MTOR: variants seen among roughly 807,000 people sequenced by gnomAD.
MTOR encodes serine/threonine-protein kinase mTOR.
A neutral mutation model predicts 319.8 loss-of-function variants in MTOR; 70 were observed. That is an observed-to-expected ratio of 0.22 (90% CI 0.18 to 0.27). MTOR has a LOEUF of 0.27. MTOR is among the 10% of genes least tolerant of loss of function. MTOR has a pLI of 1.00. For synonymous variants in MTOR, 1,183 were observed against 1,211.4 expected (o/e 0.98, Z 0.49); for missense variants, 1,890 against 3,274.4 (o/e 0.58, Z 10.32).
rs1643250865 is a variant in MTOR, at chr1:11,133,312, A to G, written c.5247-115T>C. The G allele has an allele frequency of 2.1e-6, 2 of 942,290 alleles. No individual in the cohort carries two copies. The highest frequency in any genetic ancestry group is 3.3e-5 in the African/African-American group (2 of 61,384). 58.4% of individuals were successfully genotyped at this position (942,290 alleles called of 1,614,324 possible). ...CTTCTGGTATTTCCTCTTATTCTCA[A>G]GAGGCAATGTGAAGGAGCTAGCAAA... On this transcript the variant is annotated intron_variant, in intron 37 of 57. Coordinates refer to ENST00000361445, the MANE Select transcript of MTOR (RefSeq NM_004958.4). The surrounding 1 kb of genome is among the most constrained non-coding windows in gnomAD (Gnocchi z 4.0).
At chr1:11,248,124 T>A in intron 6 of MTOR, 30 bp from the exon 7 acceptor site, 1 of 1,548,744 alleles carries the variant, frequency 6.5e-7, no homozygotes, top group East Asian at 2.3e-5. Flanking sequence ...AAAAATCATC[T>A]TTACTTATGA....
At chr1:11,168,891 G>A (rs1644727092) in intron 28 of MTOR, among the ~76,000 whole-genome samples, 1 of 152,176 alleles carries the variant, frequency 6.6e-6, no homozygotes, top group Non-Finnish European at 1.5e-5. Flanking sequence ...GGGAAAGAGG[G>A]GAGGGTGAAG....
intron 18 of MTOR, among the ~76,000 whole-genome samples, chr1:11,230,123 A>T (rs1252599210): frequency 1.7e-4 from 4 of 23,286 alleles, no homozygotes; most frequent in Non-Finnish European, 7.7e-4. Context: ...CAAACCTTTA[A>T]AAAAAAAAAA....
chr1:11,232,627 C>A (rs1647057967), intron 15 of MTOR, 99 bp from the exon 16 acceptor site: 5 of 944,910 alleles, frequency 5.3e-6, no homozygotes, highest in African/African-American at 1.6e-5. Context: ...GTAATCCCAG[C>A]ACTTTGGGAG....
chr1:11,238,256 T>G lies in MTOR; in HGVS notation c.2002+146A>C, dbSNP rs534603110. The G allele has an allele frequency of 2.4e-4, 228 of 939,642 alleles. 2 individuals carry two copies. In the East Asian group the frequency reaches 5.9e-3, roughly 24 times the overall value. 58.2% of individuals were successfully genotyped at this position (939,642 alleles called of 1,614,324 possible). ...CTTACACCAAAGGCTACAGTAGCCA[T>G]GCCTAACACGCCTTGGCAGAGAAAT... On this transcript the variant is annotated intron_variant, in intron 12 of 57. Transcript: ENST00000361445.
intron 19 of MTOR, among the ~76,000 whole-genome samples, chr1:11,217,985 C>T (rs57921230): frequency 1.3e-5 from 2 of 152,106 alleles, no homozygotes; most frequent in Non-Finnish European, 2.9e-5. Context: ...ACTTTGACTT[C>T]TAAGGTGATT....
At chr1:11,211,997 C>T (rs1198088932) in intron 23 of MTOR, among the ~76,000 whole-genome samples, 1 of 152,000 alleles carries the variant, frequency 6.6e-6, no homozygotes, top group Non-Finnish European at 1.5e-5. Flanking sequence ...TCTGTCTACC[C>T]TAAATAAAGA....
At chr1:11,203,543 A>G (rs1386769705) in intron 26 of MTOR, among the ~76,000 whole-genome samples, 1 of 151,340 alleles carries the variant, frequency 6.6e-6, no homozygotes, top group Non-Finnish European at 1.5e-5. Flanking sequence ...GTGTGGTGGT[A>G]CACACCTGTA....
chr1:11,209,310 G>A lies in MTOR; in HGVS notation c.3801+2C>T. 5.6e-6 allele frequency: 9 copies of A among 1,614,182 alleles called. No individual in the cohort carries two copies. The highest frequency in any genetic ancestry group is 7.6e-6 in the Non-Finnish European group (9 of 1,180,004). On this transcript the variant is annotated splice_donor_variant, in intron 25 of 57. Coordinates refer to ENST00000361445, the MANE Select transcript of MTOR (RefSeq NM_004958.4). LOFTEE classifies it low-confidence loss of function (GC_TO_GT_DONOR). ...CCCAGTCACCTGAAACAATGGACTT[G>A]CCTTTTGGAGGTTGATGGTGCTGAC...
Position 11,144,578 on chromosome 1 carries a change from G to A in MTOR, c.4872+70C>T, listed in dbSNP as rs1318904994. 1.9e-5 allele frequency: 25 copies of A among 1,331,236 alleles called. 1 individual carries two copies. The highest frequency in any genetic ancestry group is 2.4e-5 in the South Asian group (2 of 82,502). The allele number at this position is 1,331,236 out of a possible 1,614,324, so 82.5% of individuals were successfully genotyped here. A position where few individuals can be genotyped will look rare whatever the true frequency, so the allele number is the denominator to read the frequency against. Reference sequence around the variant, plus strand: ...AAGTTGAGTAAGAGCCAGGGTGGAGGGGGGCACTCACCCAGGTCCTGGAAG... The same window carrying A: ...AAGTTGAGTAAGAGCCAGGGTGGAGAGGGGCACTCACCCAGGTCCTGGAAG... On this transcript the variant is annotated intron_variant, in intron 34 of 57. Transcript: ENST00000361445.
At chr1:11,117,332 T>G (rs1642223604) in intron 49 of MTOR, among the ~76,000 whole-genome samples, 1 of 152,154 alleles carries the variant, frequency 6.6e-6, no homozygotes, top group African/African-American at 2.4e-5. Flanking sequence ...AGCTTATTTT[T>G]GTAGTTTTAG....
intron 32 of MTOR, among the ~76,000 whole-genome samples, chr1:11,145,712 C>A (rs188846432): frequency 6.6e-6 from 1 of 152,308 alleles, no homozygotes; most frequent in Non-Finnish European, 1.5e-5. Context: ...CCATGTTGGG[C>A]AGGCTGGTCT....
At chr1:11,215,604 G>A (rs1164979535) in intron 20 of MTOR, among the ~76,000 whole-genome samples, 4 of 152,120 alleles carry the variant, frequency 2.6e-5, no homozygotes, top group Non-Finnish European at 5.9e-5. Context: ...TATTGCCCAT[G>A]GGGTGTCTTC....
chr1:11,201,706 C>G (rs1044347317), intron 26 of MTOR, among the ~76,000 whole-genome samples: 2 of 152,172 alleles, frequency 1.3e-5, no homozygotes, highest in African/African-American at 4.8e-5. Context: ...ACTTTCTAAT[C>G]TTTATCCTAT....
intron 19 of MTOR, among the ~76,000 whole-genome samples, chr1:11,216,573 G>A (rs1646477425): frequency 6.6e-6 from 1 of 151,094 alleles, no homozygotes. Context: ...CTTGAGCCCA[G>A]AAGTTCAAGG....
intron 29 of MTOR, 68 bp from the exon 30 acceptor site, chr1:11,157,359 T>C (rs1644351015): frequency 1.3e-6 from 2 of 1,546,268 alleles, no homozygotes; most frequent in Non-Finnish European, 8.7e-7. Context: ...TTAATCCACA[T>C]ACTCTCTTTC....
In MTOR at chr1:11,213,455, G is replaced by A. The variant is rs1402799419; in HGVS notation, c.3229C>T (p.His1077Tyr). ...FKLYLPQLIP[H>Y]MLRVFMHDNS... ...TCATGCATGAAGACACGCAGCATGT[G>A]TGGGATCAGCTGGGGCAGGTAGAGC... Residue 1077 changes from histidine to tyrosine, a missense_variant, in exon 21 of 58, where the codon CAC becomes TAC. Physicochemically the swap from His to Tyr is moderately conservative, Grantham distance 83. This residue lies in a region of MTOR where 377 missense variants were observed against 653.9 expected (regional missense o/e 0.58). Transcript: ENST00000361445. The A allele has an allele frequency of 6.2e-7, 1 of 1,613,902 alleles. No individual in the cohort carries two copies. The highest frequency in any genetic ancestry group is 1.7e-5 in the Admixed American group (1 of 60,016).
chr1:11,194,191 A>G (rs961995935), intron 28 of MTOR, among the ~76,000 whole-genome samples: 8 of 152,198 alleles, frequency 5.3e-5, no homozygotes, highest in Non-Finnish European at 8.8e-5. Context: ...ATTCAGCAAA[A>G]ACATAGCTGC....
In MTOR at chr1:11,199,304, C is replaced by T; in HGVS notation, c.4207G>A (p.Glu1403Lys). Residue 1403 changes from glutamate (E) to lysine (K), a missense_variant, in exon 28 of 58, where the codon GAG becomes AAG. Glu to Lys is a moderately conservative substitution (Grantham distance 56). Around this residue, in one of 15 missense-constraint regions of MTOR, gnomAD observed 45 missense variants for 107.2 expected, o/e 0.42. Coordinates refer to ENST00000361445, the MANE Select transcript of MTOR (RefSeq NM_004958.4). The surrounding 1 kb of genome is among the most constrained non-coding windows in gnomAD (Gnocchi z 4.5). Reference protein sequence around the residue: ...YAKALHYKELEFQKGPTPAIL... With the variant: ...YAKALHYKELKFQKGPTPAIL... ...GCAGGGGTGGGGCCTTTCTGGAACT[C>T]CAGTTCTTTGTAGTGTAGTGCTTTG... is the stretch of plus-strand genomic sequence containing the variant. 6.2e-7 allele frequency: 1 copy of T among 1,614,088 alleles called. No individual in the cohort carries two copies.
Sources: allele counts gnomAD v4.1 joint callset (sites outside exome capture counted in the v4.1 genomes callset), GRCh38; gene constraint gnomAD v4.1.1; regional missense constraint gnomAD v4.1.1; non-coding constraint Gnocchi (gnomAD v3.1); transcripts MANE v1.5; gene names NCBI Gene and HGNC (gene_info 2026-07-23, HGNC 2026-07-21).